LRP1B: variants seen among roughly 807,000 people sequenced by gnomAD.
LRP1B encodes LDL receptor related protein 1B.
LRP1B carries 217 observed loss-of-function variants against 556.6 expected under a neutral mutation model. That is an observed-to-expected ratio of 0.39 (90% CI 0.35 to 0.44). The LOEUF is 0.44. Ranked by LOEUF, LRP1B falls within the 20% of genes least tolerant of loss-of-function variation. LRP1B has a pLI of 1.00. For missense variants in LRP1B, 5,053 were observed against 5,620.8 expected, an observed-to-expected ratio of 0.90 and a Z score of 3.23; for synonymous variants, 2,047 against 1,865.8, an observed-to-expected ratio of 1.10 and a Z score of -2.50.
intron 1 of LRP1B, among the ~76,000 whole-genome samples, chr2:141,950,350 T>C (rs1701072862): frequency 6.6e-6 from 1 of 152,186 alleles, no homozygotes; most frequent in Non-Finnish European, 1.5e-5. Context: ...TTGCTAACCA[T>C]TCACTCAGGA....
Position 140,385,883 on chromosome 2 carries a change from A to G in LRP1B, c.10531+10T>C. The G allele has an allele frequency of 6.4e-7, 1 of 1,558,730 alleles. No homozygotes were observed. Among genetic ancestry groups the G allele is most frequent in the Non-Finnish European group, 8.9e-7 (1 of 1,129,928 alleles). The stretch of plus-strand genomic sequence containing the variant: ...CAAGCTCAAAACATTATTAGGCAAG[A>G]GTTACTTACTACAGTTTTCTTCATC... On this transcript the variant is annotated intron_variant, in intron 67 of 90. Transcript: ENST00000389484.
intron 1 of LRP1B, among the ~76,000 whole-genome samples, chr2:141,854,123 A>G (rs1296244011): frequency 2.6e-5 from 4 of 152,036 alleles, no homozygotes; most frequent in Non-Finnish European, 5.9e-5. Flanking sequence ...ATTATGTTGC[A>G]TTCATGTAAA....
chr2:141,853,166 C>A (rs2105778017), intron 1 of LRP1B, among the ~76,000 whole-genome samples: 1 of 151,506 alleles, frequency 6.6e-6, no homozygotes, highest in South Asian at 2.1e-4. Flanking sequence ...TCTACAGATT[C>A]TACAAAGCTG....
At chr2:141,106,792 T>C (rs9287306) in intron 7 of LRP1B, among the ~76,000 whole-genome samples, 54,794 of 152,014 alleles carry the variant, frequency 0.36, 10,371 homozygotes, top group East Asian at 0.66. Flanking sequence ...AATAAAACTT[T>C]CTTTTTCAAA....
intron 35 of LRP1B, among the ~76,000 whole-genome samples, chr2:140,728,044 A>AAACCTTAGAT (rs1254817961): frequency 6.6e-6 from 1 of 152,160 alleles, no homozygotes; most frequent in Non-Finnish European, 1.5e-5. Flanking sequence ...CAATGTTATG[A>AAACCTTAGAT]AACCTTAGAT....
At chr2:141,609,402 CTTTA>C (rs138231588) in intron 2 of LRP1B, among the ~76,000 whole-genome samples, 12,578 of 152,218 alleles carry the variant, frequency 0.083, 638 homozygotes, top group South Asian at 0.19. Context: ...TTATCAGTAA[CTTTA>C]TTTTATTGCT....
chr2:141,784,346 T>C (rs1695356467), intron 2 of LRP1B, among the ~76,000 whole-genome samples: 1 of 151,954 alleles, frequency 6.6e-6, no homozygotes, highest in Non-Finnish European at 1.5e-5. Context: ...TTTCTTTGCG[T>C]AGGATATATG....
rs1367000080 is a variant in LRP1B at position 140,640,286 on chromosome 2, G to C, written c.6800-38647C>G. Among the ~76,000 whole-genome samples, 4 of 143,786 alleles carry C rather than the reference G, an allele frequency of 2.8e-5. No homozygotes were observed. In the East Asian group the frequency reaches 8.7e-4, roughly 31 times the overall value. The allele number at this position is 143,786 out of a possible 152,430, so 94.3% of individuals were successfully genotyped here. On this transcript the variant is annotated intron_variant, in intron 41 of 90. Coordinates refer to ENST00000389484, the MANE Select transcript of LRP1B (RefSeq NM_018557.3). The stretch of plus-strand genomic sequence containing the variant: ...GATTACAGGCGTGAGCCATCGCGCC[G>C]GGCCTCAAATGCTACATTGTTTAAG...
At position 141,977,247 on chromosome 2, in the gene LRP1B, T is replaced by C. The variant is rs184377467; in HGVS notation, c.82+153401A>G. Among the ~76,000 whole-genome samples the C allele has an allele frequency of 5.3e-5, 8 of 152,272 alleles. No homozygotes were observed. In the East Asian group the frequency reaches 1.5e-3, roughly 29 times the overall value. On this transcript the variant is annotated intron_variant, in intron 1 of 90. Coordinates refer to ENST00000389484, the MANE Select transcript of LRP1B (RefSeq NM_018557.3). ...AGCTTTGATATTCATTTATGTTTAC[T>C]AGCATCTATAATCCAGATCGCTAAA...
intron 66 of LRP1B, among the ~76,000 whole-genome samples, chr2:140,387,411 A>C (rs1475998686): frequency 6.6e-6 from 1 of 152,216 alleles, no homozygotes; most frequent in Non-Finnish European, 1.5e-5. Flanking sequence ...AATATTTTAA[A>C]GTATTGTTAT....
intron 41 of LRP1B, among the ~76,000 whole-genome samples, chr2:140,606,024 A>T (rs893024639): frequency 2.0e-5 from 3 of 152,002 alleles, no homozygotes; most frequent in African/African-American, 7.2e-5. Context: ...GGGGTGGGGT[A>T]AAGAGAGAGA....
intron 3 of LRP1B, among the ~76,000 whole-genome samples, chr2:141,343,001 G>T (rs970473832): frequency 2.0e-5 from 3 of 152,288 alleles, no homozygotes; most frequent in Middle Eastern, 6.8e-3. Context: ...ACAAAGGGAA[G>T]CCCATCCGAC....
intron 83 of LRP1B, among the ~76,000 whole-genome samples, chr2:140,313,480 T>C (rs1345463157): frequency 6.6e-6 from 1 of 151,940 alleles, no homozygotes; most frequent in Non-Finnish European, 1.5e-5. Context: ...TGAGATGCAT[T>C]GCAGGTTCAA....
At chr2:141,236,493 C>A (rs1417924034) in intron 5 of LRP1B, among the ~76,000 whole-genome samples, 1 of 152,096 alleles carries the variant, frequency 6.6e-6, no homozygotes, top group African/African-American at 2.4e-5. Flanking sequence ...ACAAAGTATG[C>A]AAAATCACAG....
chr2:140,748,356 A>ATATTC, intron 35 of LRP1B, among the ~76,000 whole-genome samples: 1 of 94,774 alleles, frequency 1.1e-5, no homozygotes, highest in South Asian at 3.3e-4. Context: ...ATTCATATAT[A>ATATTC]ATATATATTT....
At chr2:140,942,602 C>T (rs1050097419) in intron 20 of LRP1B, among the ~76,000 whole-genome samples, 26 of 152,120 alleles carry the variant, frequency 1.7e-4, no homozygotes, top group African/African-American at 6.3e-4. Flanking sequence ...TCTGCAGAAA[C>T]CTTTCAAGCC....
chr2:141,416,284 G>C (rs930628605), intron 3 of LRP1B, among the ~76,000 whole-genome samples: 1 of 152,020 alleles, frequency 6.6e-6, no homozygotes, highest in African/African-American at 2.4e-5. Flanking sequence ...CATTCATGAG[G>C]TAAGTGACCT....
chr2:140,734,984 A>C (rs1218574999), intron 35 of LRP1B, among the ~76,000 whole-genome samples: 4 of 152,184 alleles, frequency 2.6e-5, no homozygotes, highest in African/African-American at 9.7e-5. Flanking sequence ...TCTCAATAAC[A>C]ATCTTACATA....
At chr2:141,596,441 G>A (rs1687523854) in intron 2 of LRP1B, among the ~76,000 whole-genome samples, 1 of 152,028 alleles carries the variant, frequency 6.6e-6, no homozygotes, top group Admixed American at 6.6e-5. Context: ...AGTGATGAGA[G>A]AAATTTGGAC....
Sources: allele counts gnomAD v4.1 joint callset (sites outside exome capture counted in the v4.1 genomes callset), GRCh38; gene constraint gnomAD v4.1.1; transcripts MANE v1.5; gene names NCBI Gene and HGNC (gene_info 2026-07-23, HGNC 2026-07-21).